The following ZNF454 variants were observed in gnomAD, a reference collection of about 807,000 sequenced individuals.
ZNF454 encodes zinc finger protein 454.
A neutral mutation model predicts 48.2 loss-of-function variants in ZNF454; 30 were observed. The ratio of observed to expected loss-of-function variants is 0.62; its 90% CI spans 0.47 to 0.84. The LOEUF (loss-of-function observed/expected upper bound fraction) is 0.84. Among genes scored for constraint, ZNF454 ranks in the 40% least tolerant of loss-of-function variants. The probability of loss-of-function intolerance (pLI) is 0.00; values close to 1 mark genes in which losing one functional copy is unlikely to be tolerated. For synonymous variants in ZNF454, 204 were observed against 211.4 expected (o/e 0.97, Z 0.30); for missense variants, 510 against 623.1 (o/e 0.82, Z 1.93).
At chr5:178,971,620 G>C in the ZNF454 span, among the ~76,000 whole-genome samples, 1 of 150,776 alleles carries the variant, frequency 6.6e-6, no homozygotes, top group Non-Finnish European at 1.5e-5. Flanking sequence ...AGGCAGAGAC[G>C]GGCAGATCAC....
Position 178,956,965 on chromosome 5 carries a change from G to A in ZNF454, c.251-7690G>A, listed in dbSNP as rs562922323. 35 of 236,706 alleles carry A rather than the reference G, an allele frequency of 1.5e-4. 1 individual carries two copies. The East Asian group carries it at 2.7e-3, about 19-fold the overall frequency. 14.7% of individuals were successfully genotyped at this position (236,706 alleles called of 1,614,324 possible). A position where few individuals can be genotyped will look rare whatever the true frequency, so the allele number is the denominator to read the frequency against. On this transcript the variant is annotated intron_variant, in intron 4 of 4. Transcript: ENST00000519564. ...GTGGTACAATCTCGGCTCACTGCAA[G>A]CTCCGCCTCCCGAGTTCAAGCGATT...
intron 2 of ZNF454, among the ~76,000 whole-genome samples, chr5:178,945,816 AG>A (rs1176969474): frequency 1.3e-5 from 2 of 151,940 alleles, no homozygotes; most frequent in Non-Finnish European, 2.9e-5. Flanking sequence ...TTCCAGATGC[AG>A]GGAAGGCCAA....
At chr5:178,981,991 C>T in the ZNF454 span, 1 of 762,210 alleles carries the variant, frequency 1.3e-6, no homozygotes, top group East Asian at 2.5e-5. The surrounding 1 kb of genome is among the most constrained non-coding windows in gnomAD (Gnocchi z 5.1). Context: ...ACCAGGACAA[C>T]AGTATGAGCA....
chr5:178,981,255 A>G, the ZNF454 span: 3 of 223,782 alleles, frequency 1.3e-5, no homozygotes, highest in African/African-American at 6.8e-5. The surrounding 1 kb of genome is among the most constrained non-coding windows in gnomAD (Gnocchi z 5.1). Context: ...TCTGGGGTCT[A>G]CACGTTCTTC....
chr5:178,989,206 T>TA, the ZNF454 span: 1 of 218,584 alleles, frequency 4.6e-6, no homozygotes, highest in Non-Finnish European at 6.5e-6. Context: ...GCCTTCCCCC[T>TA]CCCCACCCTC....
chr5:178,957,297 G>T (rs962165199), intron 4 of ZNF454, among the ~76,000 whole-genome samples: 12 of 152,150 alleles, frequency 7.9e-5, no homozygotes, highest in Admixed American at 2.0e-4. Context: ...GTCCCTCCCT[G>T]GGTGTGACCT....
At chr5:178,986,349 G>A in the ZNF454 span, 362 of 1,614,114 alleles carry the variant, frequency 2.2e-4, no homozygotes, top group East Asian at 5.3e-4. Context: ...AGGTGATGGC[G>A]TAGATGAGGA....
chr5:178,977,330 G>A, the ZNF454 span: 1 of 440,398 alleles, frequency 2.3e-6, no homozygotes, highest in South Asian at 1.6e-5. Context: ...AGACCCCAGG[G>A]TGCCCTCACA....
downstream of ZNF454, among the ~76,000 whole-genome samples, chr5:178,967,010 C>T (rs372755915): frequency 6.6e-6 from 1 of 152,176 alleles, no homozygotes. Flanking sequence ...TTGAATATCA[C>T]ACCCAAATCC....
At chr5:178,945,535 G>T (rs1469945549) in intron 2 of ZNF454, among the ~76,000 whole-genome samples, 2 of 149,958 alleles carry the variant, frequency 1.3e-5, no homozygotes, top group Non-Finnish European at 3.0e-5. Context: ...TGGGGGGTGT[G>T]GGTATGGGTC....
chr5:178,981,755 G>A, the ZNF454 span: 2 of 1,613,442 alleles, frequency 1.2e-6, no homozygotes, highest in East Asian at 2.2e-5. The surrounding 1 kb of genome is among the most constrained non-coding windows in gnomAD (Gnocchi z 5.1). Context: ...TGCTCTGGAT[G>A]GAAGAGGATG....
At chr5:178,951,505 A>G (rs1054459320) in intron 4 of ZNF454, among the ~76,000 whole-genome samples, 4 of 152,112 alleles carry the variant, frequency 2.6e-5, no homozygotes, top group African/African-American at 9.7e-5. Context: ...TCTAAGCAAT[A>G]TTTGCTTTGC....
At chr5:178,943,640 G>A (rs1184021115) in intron 2 of ZNF454, among the ~76,000 whole-genome samples, 1 of 152,120 alleles carries the variant, frequency 6.6e-6, no homozygotes, top group Non-Finnish European at 1.5e-5. Flanking sequence ...TATGACATTT[G>A]GTTTTTTTAC....
Position 178,964,904 on chromosome 5 carries a change from A to T in ZNF454, c.500A>T (p.Gln167Leu). ...ATGAGCTCATCTCTTCACAGTGATCAAAGTCAGGGATTTCAACCTAGCAAA... is the reference window on the plus strand; with the variant it reads ...ATGAGCTCATCTCTTCACAGTGATCTAAGTCAGGGATTTCAACCTAGCAAA... ...STMSSSLHSD[Q>L]SQGFQPSKNA... is the part of the protein sequence containing the mutation. The change falls in exon 5 of 5, where the codon CAA becomes CTA. Residue 167 changes from glutamine to leucine, a missense_variant. By Grantham distance (113) the Gln-to-Leu change is moderately radical. Around this residue, in one of 3 missense-constraint regions of ZNF454, gnomAD observed 354 missense variants for 408.9 expected, o/e 0.87. Coordinates refer to ENST00000519564, the MANE Select transcript of ZNF454 (RefSeq NM_001178089.3). 6.2e-7 allele frequency: 1 copy of T among 1,614,244 alleles called. No homozygotes were observed. The highest frequency in any genetic ancestry group is 1.1e-5 in the South Asian group (1 of 91,084).
chr5:178,956,924 AC>A, intron 4 of ZNF454: 1 of 295,442 alleles, frequency 3.4e-6, no homozygotes, highest in Non-Finnish European at 6.9e-6. Context: ...TCACTCTGTT[AC>A]CAAGCTGGAG....
intron 4 of ZNF454, among the ~76,000 whole-genome samples, chr5:178,963,911 T>G (rs887901135): frequency 1.3e-4 from 19 of 151,786 alleles, no homozygotes; most frequent in African/African-American, 4.3e-4. Flanking sequence ...TCCTACCAAG[T>G]GTCGACTACT....
rs1458770741 is a variant in ZNF454, at chr5:178,965,926, A to C, written c.1522A>C (p.Thr508Pro). 6.2e-7 allele frequency: 1 copy of C among 1,602,870 alleles called. No homozygotes were observed. The highest frequency in any genetic ancestry group is 2.2e-5 in the East Asian group (1 of 44,784). ...TAAATGTGGGAAAGCTTTTAACCAG[A>C]CTGCAAACCTCATTCAGCATCAGAG... is the stretch of plus-strand genomic sequence containing the variant. ...CNKCGKAFNQ[T>P]ANLIQHQRHH... Residue 508 changes from threonine (T) to proline (P), a missense_variant, in exon 5 of 5, where the codon ACT (threonine) becomes CCT (proline). Coordinates refer to ENST00000519564, the MANE Select transcript of ZNF454 (RefSeq NM_001178089.3). This position sits in a 1 kb window ranked among gnomAD's most constrained non-coding sequence, Gnocchi z 5.2.
chr5:178,952,168 G>A (rs889525316), intron 4 of ZNF454, among the ~76,000 whole-genome samples: 4 of 151,890 alleles, frequency 2.6e-5, no homozygotes, highest in Non-Finnish European at 1.5e-5. Context: ...CTCCCGAGTA[G>A]CTGGGACTAC....
chr5:178,965,154 C>T lies in ZNF454; in HGVS notation c.750C>T (p.Gly250=), dbSNP rs895623082. ...GEKPYECKEC[G]KAFSVSSSLT... is the part of the protein sequence containing the mutation. ...AACCCTATGAATGTAAGGAATGTGG[C>T]AAGGCCTTCTCAGTGAGCTCCTCAC... is the stretch of plus-strand genomic sequence containing the variant. Residue 250 remains glycine, a synonymous_variant, in exon 5 of 5, where the codon GGC becomes GGT. Transcript: ENST00000519564. The surrounding 1 kb of genome is among the most constrained non-coding windows in gnomAD (Gnocchi z 5.2). 6.2e-7 allele frequency: 1 copy of T among 1,613,948 alleles called. No individual in the cohort carries two copies. Among genetic ancestry groups the T allele is most frequent in the Admixed American group, 1.7e-5 (1 of 60,000 alleles).
Sources: gnomAD v4.1 joint callset for allele counts (sites outside exome capture counted in the v4.1 genomes callset) on GRCh38, gnomAD v4.1.1 for gene constraint, gnomAD v4.1.1 regional missense constraint, Gnocchi (gnomAD v3.1) non-coding constraint, MANE v1.5 for transcripts, NCBI Gene and HGNC (gene_info 2026-07-23, HGNC 2026-07-21) for gene names.